IMMP2L: variants seen among roughly 807,000 people sequenced by gnomAD.
IMMP2L encodes mitochondrial inner membrane protease subunit 2.
A neutral mutation model predicts 19.3 loss-of-function variants in IMMP2L; 18 were observed. The observed-to-expected ratio is 0.93, with a 90% CI of 0.64 to 1.38. The LOEUF (loss-of-function observed/expected upper bound fraction) is 1.38. IMMP2L is among the 40% of genes most tolerant of loss of function. The probability of loss-of-function intolerance (pLI) is 0.00; values close to 1 mark genes in which losing one functional copy is unlikely to be tolerated. For missense variants in IMMP2L, 233 were observed against 218.2 expected (o/e 1.07, Z -0.43); for synonymous variants, 76 against 73.0 (o/e 1.04, Z -0.21).
chr7:111,320,899 C>T (rs1326354056), intron 3 of IMMP2L, among the ~76,000 whole-genome samples: 1 of 151,966 alleles, frequency 6.6e-6, no homozygotes, highest in Non-Finnish European at 1.5e-5. Context: ...AAAGTACAAG[C>T]AACTTATTCA....
intron 3 of IMMP2L, among the ~76,000 whole-genome samples, chr7:111,308,758 A>G (rs576756736): frequency 3.7e-4 from 57 of 152,066 alleles, no homozygotes; most frequent in Non-Finnish European, 6.8e-4. Context: ...GTATTCTTCA[A>G]TAATAATTTA....
chr7:110,883,224 A>C (rs1319430462), intron 5 of IMMP2L, among the ~76,000 whole-genome samples: 1 of 152,156 alleles, frequency 6.6e-6, no homozygotes, highest in Admixed American at 6.6e-5. Flanking sequence ...TTTGTACTTC[A>C]TAAACTTCAA....
chr7:111,433,313 C>A (rs1343628221), intron 3 of IMMP2L, among the ~76,000 whole-genome samples: 1 of 151,782 alleles, frequency 6.6e-6, no homozygotes, highest in Admixed American at 6.6e-5. Context: ...CTAGACTGGG[C>A]AATTTACAAA....
At chr7:110,912,634 A>T (rs1049545145) in intron 4 of IMMP2L, among the ~76,000 whole-genome samples, 1 of 151,996 alleles carries the variant, frequency 6.6e-6, no homozygotes, top group Non-Finnish European at 1.5e-5. Flanking sequence ...GCAATTTTAC[A>T]AAGAAAAGCC....
At chr7:111,144,757 A>G (rs1803288235) in intron 3 of IMMP2L, among the ~76,000 whole-genome samples, 1 of 152,168 alleles carries the variant, frequency 6.6e-6, no homozygotes, top group African/African-American at 2.4e-5. Flanking sequence ...TTTATTCAAT[A>G]GATGTTTCTT....
chr7:111,074,832 G>A (rs939458632), intron 3 of IMMP2L, among the ~76,000 whole-genome samples: 1 of 152,040 alleles, frequency 6.6e-6, no homozygotes, highest in African/African-American at 2.4e-5. Flanking sequence ...AGTACTTTTG[G>A]CTACGATCAA....
intron 3 of IMMP2L, among the ~76,000 whole-genome samples, chr7:111,153,296 AAAGTT>A (rs1158720291): frequency 1.3e-5 from 2 of 152,124 alleles, no homozygotes; most frequent in South Asian, 2.1e-4. Flanking sequence ...TATACCTACT[AAAGTT>A]AATTTTTTGT....
At chr7:111,473,069 T>C (rs1841410441) in intron 3 of IMMP2L, among the ~76,000 whole-genome samples, 1 of 152,224 alleles carries the variant, frequency 6.6e-6, no homozygotes, top group Non-Finnish European at 1.5e-5. Flanking sequence ...AAAACTATTA[T>C]TGTCATTCCA....
intron 3 of IMMP2L, among the ~76,000 whole-genome samples, chr7:111,354,754 A>AGGC (rs1828529235): frequency 1.3e-5 from 2 of 151,670 alleles, no homozygotes; most frequent in Admixed American, 1.3e-4. Flanking sequence ...GACTTATTGG[A>AGGC]AAGAATATTT....
At chr7:110,749,451 G>A (rs1365613766) in intron 5 of IMMP2L, among the ~76,000 whole-genome samples, 1 of 152,244 alleles carries the variant, frequency 6.6e-6, no homozygotes, top group Admixed American at 6.5e-5. Flanking sequence ...CAAACGTTAT[G>A]TTTATTGTGG....
At chr7:110,825,327 A>G (rs930004460) in intron 5 of IMMP2L, among the ~76,000 whole-genome samples, 9 of 152,274 alleles carry the variant, frequency 5.9e-5, no homozygotes, top group African/African-American at 1.9e-4. Flanking sequence ...ACAGAATTGG[A>G]AAAAACTACT....
chr7:111,214,328 C>CTTTTT lies in IMMP2L; in HGVS notation c.240-250764_240-250763insAAAAA, dbSNP rs1484229556. On this transcript the variant is annotated intron_variant, in intron 3 of 5. Transcript: ENST00000405709. ...GTGAATGAATGACAAAGTAATTTTT[C>CTTTTT]TTCTTTTTTTTTTTTTTTTTTTTTT... Among the ~76,000 whole-genome samples the CTTTTT allele has an allele frequency of 3.5e-3, 300 of 85,086 alleles. 70 individuals are homozygous for CTTTTT. Among genetic ancestry groups the CTTTTT allele is most frequent in the Middle Eastern group, 0.02 (2 of 102 alleles). The allele number at this position is 85,086 out of a possible 152,430, so 55.8% of individuals were successfully genotyped here. A position where few individuals can be genotyped will look rare whatever the true frequency, so the allele number is the denominator to read the frequency against.
chr7:111,198,182 T>C (rs1202536667), intron 3 of IMMP2L, among the ~76,000 whole-genome samples: 3 of 152,126 alleles, frequency 2.0e-5, no homozygotes, highest in Admixed American at 1.3e-4. Flanking sequence ...TTTCTTTTAC[T>C]CATTTTGAAA....
chr7:111,523,794 C>T (rs1159368155), intron 1 of IMMP2L, among the ~76,000 whole-genome samples: 2 of 152,010 alleles, frequency 1.3e-5, no homozygotes. Flanking sequence ...GTGTTTGGCC[C>T]AAGGTACTGA....
At chr7:111,279,124 A>G (rs1453546695) in intron 3 of IMMP2L, among the ~76,000 whole-genome samples, 1 of 152,190 alleles carries the variant, frequency 6.6e-6, no homozygotes, top group East Asian at 1.9e-4. Flanking sequence ...TTATCTCCCA[A>G]TAACAAATCT....
intron 3 of IMMP2L, among the ~76,000 whole-genome samples, chr7:111,016,725 T>C (rs1366207792): frequency 4.1e-5 from 4 of 98,092 alleles, no homozygotes; most frequent in African/African-American, 1.7e-4. Context: ...TATATTTATA[T>C]ATAAAATATA....
intron 3 of IMMP2L, among the ~76,000 whole-genome samples, chr7:111,455,020 T>G (rs1326262473): frequency 6.6e-6 from 1 of 151,880 alleles, no homozygotes; most frequent in Non-Finnish European, 1.5e-5. Context: ...AAAATATTAG[T>G]GGATGTCCTA....
chr7:111,507,501 C>T (rs1391495717), intron 2 of IMMP2L, among the ~76,000 whole-genome samples: 1 of 151,972 alleles, frequency 6.6e-6, no homozygotes, highest in East Asian at 1.9e-4. Context: ...AATTCCAGTC[C>T]GCAGTAACAG....
Position 111,264,716 on chromosome 7 carries a change from T to G in IMMP2L, c.239+222522A>C, listed in dbSNP as rs950046622. 3.3e-5 allele frequency among the ~76,000 whole-genome samples: 5 copies of G among 151,006 alleles called. 1 individual carries two copies. Among genetic ancestry groups the G allele is most frequent in the African/African-American group, 1.2e-4 (5 of 41,004 alleles). On this transcript the variant is annotated intron_variant, in intron 3 of 5. Coordinates refer to ENST00000405709, the MANE Select transcript of IMMP2L (RefSeq NM_032549.4). Reference sequence around the variant, plus strand: ...CTGGGAGGCTGCCCCACTACCTTAATGCCAGGGATACTAGATATGGAAACA... The same window carrying G: ...CTGGGAGGCTGCCCCACTACCTTAAGGCCAGGGATACTAGATATGGAAACA...
Sources: gnomAD v4.1 joint callset for allele counts (sites outside exome capture counted in the v4.1 genomes callset) on GRCh38, gnomAD v4.1.1 for gene constraint, MANE v1.5 for transcripts, NCBI Gene and HGNC (gene_info 2026-07-23, HGNC 2026-07-21) for gene names.